Variants in PITPNC1 observed in about 807,000 individuals in gnomAD.
PITPNC1 encodes cytoplasmic phosphatidylinositol transfer protein 1.
A neutral mutation model predicts 44.7 loss-of-function variants in PITPNC1; 18 were observed. The ratio of observed to expected loss-of-function variants is 0.40; its 90% CI spans 0.28 to 0.60. The LOEUF (loss-of-function observed/expected upper bound fraction) is 0.60. PITPNC1 is among the 20% of genes least tolerant of loss of function. PITPNC1 has a pLI of 0.39. For synonymous variants in PITPNC1, 141 were observed against 149.6 expected, an observed-to-expected ratio of 0.94 and a Z score of 0.42; for missense variants, 290 against 418.4, an observed-to-expected ratio of 0.69 and a Z score of 2.68.
chr17:67,529,658 A>G (rs1043118242), intron 1 of PITPNC1, among the ~76,000 whole-genome samples: 1 of 152,140 alleles, frequency 6.6e-6, no homozygotes, highest in Non-Finnish European at 1.5e-5. Context: ...AACAACAGAA[A>G]TTTGGGGCCA....
intron 1 of PITPNC1, among the ~76,000 whole-genome samples, chr17:67,444,883 C>A (rs888012931): frequency 6.6e-6 from 1 of 151,728 alleles, no homozygotes. Context: ...GGCGACAGAG[C>A]GAGACTCGGT....
intron 7 of PITPNC1, among the ~76,000 whole-genome samples, chr17:67,670,755 A>G (rs2042499916): frequency 6.6e-6 from 1 of 150,886 alleles, no homozygotes; most frequent in African/African-American, 2.4e-5. Context: ...CATCTCAAAA[A>G]AAAAAAAAAA....
At chr17:67,660,566 G>T (rs2042330905) in intron 6 of PITPNC1, among the ~76,000 whole-genome samples, 1 of 135,578 alleles carries the variant, frequency 7.4e-6, no homozygotes, top group African/African-American at 3.1e-5. Context: ...TTTTGAGATG[G>T]AGTCTCACTC....
At chr17:67,511,458 C>T (rs902833548) in intron 1 of PITPNC1, among the ~76,000 whole-genome samples, 2 of 152,218 alleles carry the variant, frequency 1.3e-5, no homozygotes, top group South Asian at 2.1e-4. Context: ...TTTGTTCTTC[C>T]ACCACATTGT....
intron 1 of PITPNC1, among the ~76,000 whole-genome samples, chr17:67,474,761 C>T (rs1205609390): frequency 6.6e-6 from 1 of 152,100 alleles, no homozygotes; most frequent in Non-Finnish European, 1.5e-5. Flanking sequence ...CTCAAACAAT[C>T]CTCCCACCTC....
At chr17:67,672,521 C>T (rs1167774185) in intron 7 of PITPNC1, among the ~76,000 whole-genome samples, 1 of 151,726 alleles carries the variant, frequency 6.6e-6, no homozygotes, top group East Asian at 1.9e-4. Flanking sequence ...ATCACTTGAA[C>T]CCAGGAAGTA....
intron 5 of PITPNC1, among the ~76,000 whole-genome samples, chr17:67,621,293 T>A (rs2041827076): frequency 6.6e-6 from 1 of 151,904 alleles, no homozygotes; most frequent in Non-Finnish European, 1.5e-5. Flanking sequence ...CTGTAACCTC[T>A]GCCTCCCAGG....
intron 4 of PITPNC1, among the ~76,000 whole-genome samples, chr17:67,573,210 G>C (rs1482672299): frequency 2.0e-5 from 3 of 152,168 alleles, no homozygotes; most frequent in African/African-American, 7.2e-5. Context: ...GTGGGCACCT[G>C]GAAATGTGAG....
chr17:67,461,334 A>T (rs1432589452), intron 1 of PITPNC1, among the ~76,000 whole-genome samples: 1 of 152,270 alleles, frequency 6.6e-6, no homozygotes, highest in African/African-American at 2.4e-5. Flanking sequence ...ATAGGTCCCC[A>T]TAGAATAGCA....
intron 6 of PITPNC1, among the ~76,000 whole-genome samples, chr17:67,656,843 G>C (rs1462149747): frequency 6.6e-6 from 1 of 152,176 alleles, no homozygotes; most frequent in Non-Finnish European, 1.5e-5. Flanking sequence ...TAAAGAATAA[G>C]TGCTATAACA....
intron 7 of PITPNC1, among the ~76,000 whole-genome samples, chr17:67,674,613 TCAC>T (rs2042570682): frequency 1.4e-5 from 2 of 147,910 alleles, no homozygotes; most frequent in Non-Finnish European, 3.0e-5. Flanking sequence ...TAAGTGCTGT[TCAC>T]TTTTTAGGAT....
At chr17:67,456,516 T>C (rs1320042628) in intron 1 of PITPNC1, among the ~76,000 whole-genome samples, 4 of 152,164 alleles carry the variant, frequency 2.6e-5, no homozygotes, top group Admixed American at 2.6e-4. Flanking sequence ...TGTCTCCTAC[T>C]GAATTGAGTT....
chr17:67,459,219 G>A (rs1276729822), intron 1 of PITPNC1, among the ~76,000 whole-genome samples: 2 of 147,928 alleles, frequency 1.4e-5, no homozygotes, highest in African/African-American at 5.0e-5. Context: ...CCAGGTTCAA[G>A]CGATTCTCCT....
At chr17:67,660,378 A>G (rs2042325615) in intron 6 of PITPNC1, among the ~76,000 whole-genome samples, 1 of 152,094 alleles carries the variant, frequency 6.6e-6, no homozygotes, top group African/African-American at 2.4e-5. Context: ...GCCCTGGACT[A>G]TAGGATTGGA....
At chr17:67,551,931 G>C (rs993979777) in intron 2 of PITPNC1, among the ~76,000 whole-genome samples, 2 of 152,160 alleles carry the variant, frequency 1.3e-5, no homozygotes, top group African/African-American at 4.8e-5. Context: ...GGAGGCAAAG[G>C]TCAGGCTGGC....
chr17:67,692,177 C>T (rs1038519482), intron 8 of PITPNC1, among the ~76,000 whole-genome samples: 3 of 152,008 alleles, frequency 2.0e-5, no homozygotes, highest in Non-Finnish European at 4.4e-5. Flanking sequence ...AAAAATATGA[C>T]CAGTTAATTA....
At position 67,513,477 on chromosome 17, in the gene PITPNC1, A is replaced by G. The variant is rs866553386; in HGVS notation, c.49-19325A>G. Among the ~76,000 whole-genome samples, 167 of 131,698 alleles carry G rather than the reference A, an allele frequency of 1.3e-3. 3 individuals are homozygous for G. In the South Asian group the frequency reaches 0.017, roughly 13 times the overall value. The allele number at this position is 131,698 out of a possible 152,430, so 86.4% of individuals were successfully genotyped here. On this transcript the variant is annotated intron_variant, in intron 1 of 8. Transcript: ENST00000581322. ...TATACATATACTATATTTTTACTAT[A>G]TGTGTGTGTGTGTATATATATATAT...
chr17:67,663,572 A>T (rs980779695), intron 6 of PITPNC1, among the ~76,000 whole-genome samples: 48 of 150,266 alleles, frequency 3.2e-4, no homozygotes, highest in Admixed American at 1.2e-3. Context: ...CATCTCAAAA[A>T]AAAAGGACAA....
chr17:67,451,065 C>G (rs2039168229), intron 1 of PITPNC1, among the ~76,000 whole-genome samples: 3 of 152,038 alleles, frequency 2.0e-5, no homozygotes, highest in Non-Finnish European at 4.4e-5. Flanking sequence ...GAGTTTCACT[C>G]TTGTCACTCA....
Sources: gnomAD v4.1 joint callset for allele counts (sites outside exome capture counted in the v4.1 genomes callset) on GRCh38, gnomAD v4.1.1 for gene constraint, MANE v1.5 for transcripts, NCBI Gene and HGNC (gene_info 2026-07-23, HGNC 2026-07-21) for gene names.